DPP10: variants seen among roughly 807,000 people sequenced by gnomAD.
DPP10 encodes dipeptidyl peptidase like 10.
A neutral mutation model predicts 120.9 loss-of-function variants in DPP10; 33 were observed. That is an observed-to-expected ratio of 0.27 (90% CI 0.21 to 0.37). The LOEUF is 0.37. DPP10 is among the 10% of genes least tolerant of loss of function. The pLI, the probability that DPP10 is intolerant of heterozygous loss-of-function variation, is 1.00. For synonymous variants in DPP10, 337 were observed against 326.1 expected (o/e 1.03, Z -0.36); for missense variants, 816 against 942.8 (o/e 0.87, Z 1.76).
At chr2:115,450,453 T>C (rs2073016623) in intron 3 of DPP10, among the ~76,000 whole-genome samples, 1 of 151,930 alleles carries the variant, frequency 6.6e-6, no homozygotes, top group Admixed American at 6.6e-5. Context: ...AATAAAGCCC[T>C]CAACTGAGAT....
intron 5 of DPP10, among the ~76,000 whole-genome samples, chr2:115,663,253 A>G (rs906842733): frequency 6.6e-6 from 1 of 152,186 alleles, no homozygotes; most frequent in Non-Finnish European, 1.5e-5. Context: ...CCAAGGATAT[A>G]TATTTCATAT....
chr2:115,256,634 C>T (rs756305480), intron 1 of DPP10, among the ~76,000 whole-genome samples: 22 of 152,162 alleles, frequency 1.4e-4, no homozygotes, highest in Non-Finnish European at 2.4e-4. Flanking sequence ...GCTGAAATGC[C>T]TTTGAGGCCT....
At chr2:115,025,902 TTG>T (rs1011735078) in intron 1 of DPP10, among the ~76,000 whole-genome samples, 1 of 152,134 alleles carries the variant, frequency 6.6e-6, no homozygotes, top group Non-Finnish European at 1.5e-5. Context: ...TCTGAGCTCC[TTG>T]TGTGTTCTGG....
At chr2:114,528,125 C>T (rs1440136763) in intron 1 of DPP10, among the ~76,000 whole-genome samples, 6 of 152,066 alleles carry the variant, frequency 3.9e-5, no homozygotes, top group Non-Finnish European at 5.9e-5. Context: ...CCATCCTTAT[C>T]CCAAAACACT....
intron 17 of DPP10, among the ~76,000 whole-genome samples, chr2:115,787,423 A>G (rs929270772): frequency 2.6e-5 from 4 of 152,238 alleles, no homozygotes; most frequent in African/African-American, 9.6e-5. Flanking sequence ...TTATGAAAGA[A>G]CTTTGTGAAT....
At chr2:114,466,978 G>A (rs116151310) in intron 1 of DPP10, among the ~76,000 whole-genome samples, 182 of 150,958 alleles carry the variant, frequency 1.2e-3, no homozygotes, top group African/African-American at 3.9e-3. Context: ...GAAGGCGGAA[G>A]TCACAGTGAG....
intron 5 of DPP10, among the ~76,000 whole-genome samples, chr2:115,677,649 TTAAG>T (rs1201535467): frequency 3.3e-5 from 5 of 152,200 alleles, no homozygotes; most frequent in East Asian, 1.9e-4. Context: ...AAAATAGACT[TTAAG>T]TAACAAAAAA....
At chr2:115,824,837 A>G (rs1439386102) in intron 21 of DPP10, among the ~76,000 whole-genome samples, 2 of 152,060 alleles carry the variant, frequency 1.3e-5, no homozygotes, top group African/African-American at 4.8e-5. Context: ...GTCTTTGGTC[A>G]CATAATATAT....
At chr2:115,066,172 A>G (rs2105421598) in intron 1 of DPP10, among the ~76,000 whole-genome samples, 1 of 152,330 alleles carries the variant, frequency 6.6e-6, no homozygotes, top group South Asian at 2.1e-4. Context: ...AGACATTACA[A>G]ATAAGGATTC....
intron 1 of DPP10, among the ~76,000 whole-genome samples, chr2:115,097,487 A>G (rs1012635775): frequency 2.0e-5 from 3 of 152,222 alleles, no homozygotes; most frequent in African/African-American, 7.2e-5. Flanking sequence ...TTAACAAACT[A>G]TAAAATGAAC....
intron 1 of DPP10, among the ~76,000 whole-genome samples, chr2:114,729,068 G>A (rs1486894694): frequency 1.3e-5 from 2 of 152,214 alleles, no homozygotes; most frequent in African/African-American, 4.8e-5. Context: ...TGTGATTAGA[G>A]CACAACGGCT....
At chr2:115,775,421 A>C (rs1361487725) in intron 13 of DPP10, among the ~76,000 whole-genome samples, 1 of 152,066 alleles carries the variant, frequency 6.6e-6, no homozygotes, top group Non-Finnish European at 1.5e-5. Context: ...TATTAAAAGA[A>C]TACTATGAAT....
intron 1 of DPP10, among the ~76,000 whole-genome samples, chr2:115,202,958 A>G (rs2055846884): frequency 6.6e-6 from 1 of 152,172 alleles, no homozygotes; most frequent in African/African-American, 2.4e-5. Flanking sequence ...CAAACAAACA[A>G]ACAAAAAACA....
intron 1 of DPP10, among the ~76,000 whole-genome samples, chr2:114,987,804 C>CTTT (rs59203543): frequency 4.0e-5 from 4 of 101,034 alleles, no homozygotes; most frequent in Admixed American, 1.4e-4. Flanking sequence ...TGGAGACTGT[C>CTTT]TTTTTTTTTT....
chr2:114,614,799 G>A (rs1425873756), intron 1 of DPP10, among the ~76,000 whole-genome samples: 1 of 152,266 alleles, frequency 6.6e-6, no homozygotes, highest in Non-Finnish European at 1.5e-5. Context: ...TCTCCCACTA[G>A]AGTGTATGAG....
chr2:115,677,634 C>A (rs1389698721), intron 5 of DPP10, among the ~76,000 whole-genome samples: 2 of 152,056 alleles, frequency 1.3e-5, no homozygotes, highest in African/African-American at 4.8e-5. Flanking sequence ...ATATTTATAT[C>A]AGATAAAATA....
chr2:115,711,522 C>T (rs991830291), intron 7 of DPP10, among the ~76,000 whole-genome samples: 1 of 152,008 alleles, frequency 6.6e-6, no homozygotes, highest in Non-Finnish European at 1.5e-5. Context: ...GGGTGATTGT[C>T]TGAGATGGAG....
At chr2:115,053,667 A>G (rs1395479719) in intron 1 of DPP10, among the ~76,000 whole-genome samples, 1 of 152,222 alleles carries the variant, frequency 6.6e-6, no homozygotes, top group African/African-American at 2.4e-5. Flanking sequence ...CAAGTTTTCA[A>G]TATACATACT....
intron 5 of DPP10, among the ~76,000 whole-genome samples, chr2:115,555,735 CT>C (rs1364539589): frequency 2.0e-5 from 3 of 151,962 alleles, no homozygotes; most frequent in Non-Finnish European, 4.4e-5. Flanking sequence ...GATTATGTTC[CT>C]TTTTTCTATC....
Sources: gnomAD v4.1 joint callset for allele counts (sites outside exome capture counted in the v4.1 genomes callset) on GRCh38, gnomAD v4.1.1 for gene constraint, MANE v1.5 for transcripts, NCBI Gene and HGNC (gene_info 2026-07-23, HGNC 2026-07-21) for gene names.